HUWE1: variants seen among roughly 807,000 people sequenced by gnomAD.
HUWE1 encodes HECT, UBA and WWE domain containing E3 ubiquitin protein ligase 1.
In HUWE1, 18 loss-of-function variants were observed where a neutral mutation model predicts 299.4. The observed-to-expected ratio is 0.06, with a 90% confidence interval of 0.04 to 0.09. HUWE1 has a LOEUF of 0.09. HUWE1 is among the 10% of genes least tolerant of loss of function. The pLI, the probability that HUWE1 is intolerant of heterozygous loss-of-function variation, is 1.00. For synonymous variants in HUWE1, 1,317 were observed against 1,286.1 expected (o/e 1.02, Z -0.51); for missense variants, 1,832 against 3,462.3 (o/e 0.53, Z 11.82).
Position 53,573,781 on chromosome X carries a change from T to C in HUWE1, c.6281A>G (p.Tyr2094Cys). 1 of 1,210,540 alleles carries C rather than the reference T, an allele frequency of 8.3e-7. No homozygotes were observed. The highest frequency in any genetic ancestry group is 3.0e-5 in the East Asian group (1 of 33,856). Residue 2094 changes from tyrosine (Y) to cysteine (C), a missense_variant, in exon 47 of 84, where the codon TAC becomes TGC. By Grantham distance (194) the Tyr-to-Cys change is radical (BLOSUM62 -2). This residue lies in a region of HUWE1 where 157 missense variants were observed against 252.3 expected (regional missense o/e 0.62). Transcript: ENST00000262854. Reference sequence around the variant, plus strand: ...GATCAGTTCAGACTGGCCCACAGTGTAGCTGTAGTTGGCAATCAGGGTAGC... The same window carrying C: ...GATCAGTTCAGACTGGCCCACAGTGCAGCTGTAGTTGGCAATCAGGGTAGC... ...GIATLIANYS[Y>C]TVGQSELIKE... is the part of the protein sequence containing the mutation.
At chrX:53,629,952 T>C (rs1182222317) in intron 12 of HUWE1, among the ~76,000 whole-genome samples, 2 of 112,684 alleles carry the variant, frequency 1.8e-5, no homozygotes, top group Non-Finnish European at 3.8e-5. Context: ...ATTTCCATTT[T>C]AGCCTCTTCC....
chrX:53,550,116 T>A (rs148237037), intron 66 of HUWE1, among the ~76,000 whole-genome samples: 1,130 of 111,065 alleles, frequency 0.01, 55 homozygotes, highest in Admixed American at 0.087. Context: ...TTGCCCTACA[T>A]CACACGGCGA....
rs113628255 is a variant in HUWE1, at chrX:53,668,461, T to C, written c.-25+11588A>G. Among the ~76,000 whole-genome samples, 540 of 95,230 alleles carry C rather than the reference T, an allele frequency of 5.7e-3. 5 individuals are homozygous for C. Among genetic ancestry groups the C allele is most frequent in the African/African-American group, 0.02 (525 of 25,731 alleles). The allele number at this position is 95,230 out of a possible 115,157, so 82.7% of individuals were successfully genotyped here. A position where few individuals can be genotyped will look rare whatever the true frequency, so the allele number is the denominator to read the frequency against. ...CATCTCAAAAAAAAAAAAAAAAAAG[T>C]AGAGGCTGAAGACTACCACTGGAAG... On this transcript the variant is annotated intron_variant, in intron 3 of 83. Coordinates refer to ENST00000262854, the MANE Select transcript of HUWE1 (RefSeq NM_031407.7).
chrX:53,598,179 G>A (rs2064605255), intron 29 of HUWE1, among the ~76,000 whole-genome samples: 2 of 111,759 alleles, frequency 1.8e-5, no homozygotes, highest in East Asian at 2.8e-4. Flanking sequence ...TAGAAGCAGT[G>A]CCAGGAACCA....
chrX:53,619,595 A>G (rs1557010604), intron 19 of HUWE1, among the ~76,000 whole-genome samples: 1 of 106,949 alleles, frequency 9.4e-6, no homozygotes, highest in African/African-American at 3.4e-5. Flanking sequence ...TAGAAGAAAA[A>G]AAAAAAAAAA....
intron 39 of HUWE1, among the ~76,000 whole-genome samples, chrX:53,585,728 C>G (rs913603331): frequency 8.9e-6 from 1 of 112,038 alleles, no homozygotes; most frequent in East Asian, 2.8e-4. Context: ...GTCACCTAGG[C>G]TGGAGTGCAG....
At position 53,532,712 on chromosome X, in the gene HUWE1, T is replaced by G. The variant is rs181145587; in HGVS notation, c.*597A>C. 5.4e-5 allele frequency: 6 copies of G among 110,200 alleles called. No individual in the cohort carries two copies. In the South Asian group the frequency reaches 1.1e-3, roughly 21 times the overall value. The allele number at this position is 110,200 out of a possible 1,213,427, so 9.1% of individuals were successfully genotyped here. ...GGATGGTTTCCTGGAGAATCCATCT[T>G]TTCTCCAGATGCCTAGCATGTGCTT... On this transcript the variant is annotated 3_prime_UTR_variant, in exon 84 of 84. Coordinates refer to ENST00000262854, the MANE Select transcript of HUWE1 (RefSeq NM_031407.7).
intron 82 of HUWE1, 108 bp from the exon 83 acceptor site, chrX:53,534,305 C>G (rs906676218): frequency 2.6e-6 from 2 of 771,792 alleles, no homozygotes; most frequent in Non-Finnish European, 3.9e-6. Flanking sequence ...TGAGGCAAGT[C>G]CCTTCTGTGG....
chrX:53,603,306 C>A, intron 27 of HUWE1, 62 bp downstream of exon 27: 2 of 1,141,165 alleles, frequency 1.8e-6, no homozygotes, highest in South Asian at 3.8e-5. Flanking sequence ...CCAACCAAAG[C>A]AATCCTCCAG....
chrX:53,625,208 A>G lies in HUWE1; in HGVS notation c.1540T>C (p.Phe514Leu). The change falls in exon 18 of 84, where the codon TTC (phenylalanine) becomes CTC (leucine). Residue 514 changes from phenylalanine (F) to leucine (L), a missense_variant. By Grantham distance (22) the Phe-to-Leu change is conservative. This residue lies in a region of HUWE1 where 658 missense variants were observed against 1,282.6 expected (regional missense o/e 0.51). Transcript: ENST00000262854. Reference sequence around the variant, plus strand: ...GGGTCTTGGATGGCCTTCTTGAGGAAATTCAACATGGATTTCAGAAGTGCT... The same window carrying G: ...GGGTCTTGGATGGCCTTCTTGAGGAGATTCAACATGGATTTCAGAAGTGCT... ...RAALLKSMLN[F>L]LKKAIQDPAF... is the part of the protein sequence containing the mutation. 8.3e-7 allele frequency: 1 copy of G among 1,206,685 alleles called. No homozygotes were observed. The highest frequency in any genetic ancestry group is 1.1e-6 in the Non-Finnish European group (1 of 890,743).
rs6638419 is a variant in HUWE1, at chrX:53,686,042, C to A, written c.-163+228G>T. Among the ~76,000 whole-genome samples, 6 of 112,510 alleles carry A rather than the reference C, an allele frequency of 5.3e-5. No homozygotes were observed. In the East Asian group the frequency reaches 1.7e-3, roughly 31 times the overall value. On this transcript the variant is annotated intron_variant, in intron 2 of 83. Transcript: ENST00000262854. ...TAAGAAGATCTACAAGACATATTCT[C>A]AGATTTTTAAACAAGCAGTTAGTCG...
chrX:53,586,948 C>T, intron 37 of HUWE1, 39 bp from the exon 38 acceptor site: 1 of 1,191,030 alleles, frequency 8.4e-7, no homozygotes, highest in Non-Finnish European at 1.1e-6. Flanking sequence ...CAACCAGATA[C>T]CAATTTCTAC....
chrX:53,627,556 T>A, intron 16 of HUWE1, 41 bp from the exon 17 acceptor site: 1 of 757,006 alleles, frequency 1.3e-6, no homozygotes, highest in Non-Finnish European at 1.9e-6. Context: ...CAAGTATATA[T>A]ATATATATTT....
chrX:53,629,403 G>T, intron 13 of HUWE1, 113 bp downstream of exon 13: 1 of 535,361 alleles, frequency 1.9e-6, no homozygotes. Flanking sequence ...TGCCCAAGAT[G>T]TCTCATTATG....
At chrX:53,624,894 A>G (rs1340964140) in intron 18 of HUWE1, among the ~76,000 whole-genome samples, 2 of 112,178 alleles carry the variant, frequency 1.8e-5, no homozygotes, top group East Asian at 2.8e-4. Flanking sequence ...CAAACACTTA[A>G]GAGTCAGAAA....
At chrX:53,556,179 T>C (rs1707128592) in intron 60 of HUWE1, 1 of 341,342 alleles carries the variant, frequency 2.9e-6, no homozygotes, top group South Asian at 2.6e-5. Context: ...CCAAGGAACA[T>C]CTACAACTTT....
At position 53,532,471 on chromosome X, in the gene HUWE1, C is replaced by T. The variant is rs782767309; in HGVS notation, c.*838G>A. On this transcript the variant is annotated 3_prime_UTR_variant, in exon 84 of 84. Transcript: ENST00000262854. ...TCTGAATGTTTTGTACAACCTGCTG[C>T]AGTTTGTTCCCCTTGAGCAAGGTGA... The T allele has an allele frequency of 6.3e-5, 7 of 110,855 alleles. No individual in the cohort carries two copies. In the East Asian group the frequency reaches 8.5e-4, roughly 13 times the overall value. The allele number at this position is 110,855 out of a possible 1,213,427, so 9.1% of individuals were successfully genotyped here.
intron 3 of HUWE1, among the ~76,000 whole-genome samples, chrX:53,658,581 T>C (rs2068855633): frequency 9.0e-6 from 1 of 111,706 alleles, no homozygotes; most frequent in African/African-American, 3.3e-5. Flanking sequence ...CCGATGATCT[T>C]TGACAAAGAA....
chrX:53,561,702 G>A, intron 55 of HUWE1, 54 bp downstream of exon 55: 2 of 1,206,464 alleles, frequency 1.7e-6, no homozygotes, highest in Non-Finnish European at 2.2e-6. Context: ...GCTTACCCTA[G>A]AGAAGGGTAT....
Sources: allele counts gnomAD v4.1 joint callset (sites outside exome capture counted in the v4.1 genomes callset), GRCh38; gene constraint gnomAD v4.1.1; regional missense constraint gnomAD v4.1.1; transcripts MANE v1.5; gene names NCBI Gene and HGNC (gene_info 2026-07-23, HGNC 2026-07-21).